The following GFI1B variants were observed in gnomAD, a reference collection of about 807,000 sequenced individuals.
GFI1B encodes the protein growth factor independent 1B transcriptional repressor.
In GFI1B, 20 loss-of-function variants were observed where a neutral mutation model predicts 35.3. The observed-to-expected ratio is 0.57, with a 90% CI of 0.40 to 0.82. GFI1B has a LOEUF of 0.82. Ranked by LOEUF, GFI1B falls within the 40% of genes least tolerant of loss-of-function variation. The pLI, the probability that GFI1B is intolerant of heterozygous loss-of-function variation, is 0.00. For missense variants in GFI1B, 430 were observed against 446.3 expected, an observed-to-expected ratio of 0.96 and a Z score of 0.33; for synonymous variants, 178 against 177.6, an observed-to-expected ratio of 1.00 and a Z score of -0.02.
At chr9:132,967,420 G>GA (rs936572629) in intron 1 of GFI1B, among the ~76,000 whole-genome samples, 2 of 152,026 alleles carry the variant, frequency 1.3e-5, no homozygotes, top group Admixed American at 1.3e-4. Context: ...CTTTTAGGGG[G>GA]AAAAAATCAT....
intron 1 of GFI1B, among the ~76,000 whole-genome samples, chr9:132,983,912 G>A (rs576020307): frequency 6.6e-6 from 1 of 152,270 alleles, no homozygotes. Context: ...TCTGCCCCAG[G>A]GTCCTGAGCC....
Position 132,986,698 on chromosome 9 carries a change from T to A in GFI1B, c.20T>A (p.Val7Glu). The change falls in exon 2 of 7, where the codon GTG (valine) becomes GAG (glutamate). Residue 7 changes from valine to glutamate, a missense_variant. Physicochemically the swap from Val to Glu is moderately radical, Grantham distance 121. Transcript: ENST00000372122. MPRSFL[V>E]KSKKAHTYHQ... Reference sequence around the variant, plus strand: ...CTGAAAATGCCACGCTCCTTCCTGGTGAAGAGCAAGAAGGCTCACACCTAC... The same window carrying A: ...CTGAAAATGCCACGCTCCTTCCTGGAGAAGAGCAAGAAGGCTCACACCTAC... 1 of 1,611,622 alleles carries A rather than the reference T, an allele frequency of 6.2e-7. No individual in the cohort carries two copies. Among genetic ancestry groups the A allele is most frequent in the Non-Finnish European group, 8.5e-7 (1 of 1,178,692 alleles).
In GFI1B at chr9:132,989,953, A is replaced by C; in HGVS notation, c.814+46A>C. ...TGTGCCCCCTGGGCAGAGCACCCCC[A>C]CCTTTCCCTGAGAGATGCATCAGAG... is the stretch of plus-strand genomic sequence containing the variant. On this transcript the variant is annotated intron_variant, in intron 6 of 6. Coordinates refer to ENST00000372122, the MANE Select transcript of GFI1B (RefSeq NM_001377304.1). The surrounding 1 kb of genome is among the most constrained non-coding windows in gnomAD (Gnocchi z 6.2). 36 of 1,538,236 alleles carry C rather than the reference A, an allele frequency of 2.3e-5. No individual in the cohort carries two copies. The highest frequency in any genetic ancestry group is 4.1e-5 in the African/African-American group (3 of 73,468).
rs145418687 is a variant in GFI1B, at chr9:132,989,153, C to A, written c.603C>A (p.Phe201Leu). 1.1e-5 allele frequency: 18 copies of A among 1,613,892 alleles called. No individual in the cohort carries two copies. The highest frequency in any genetic ancestry group is 1.5e-5 in the Non-Finnish European group (18 of 1,179,870). The change falls in exon 5 of 7, where the codon TTC becomes TTA. Residue 201 changes from phenylalanine (F) to leucine (L), a missense_variant. Coordinates refer to ENST00000372122, the MANE Select transcript of GFI1B (RefSeq NM_001377304.1). The surrounding 1 kb of genome is among the most constrained non-coding windows in gnomAD (Gnocchi z 6.2). The stretch of plus-strand genomic sequence containing the variant: ...CCTGTGACATCTGCGGCAAAACCTT[C>A]GGCCACGCTGTGAGCCTGGAGCAGC... ...PFACDICGKT[F>L]GHAVSLEQHT...
intron 1 of GFI1B, among the ~76,000 whole-genome samples, chr9:132,984,089 G>T (rs993292960): frequency 6.6e-6 from 1 of 152,238 alleles, no homozygotes; most frequent in South Asian, 2.1e-4. Flanking sequence ...AGTACCTTTG[G>T]TTCTAGTTGA....
intron 1 of GFI1B, among the ~76,000 whole-genome samples, chr9:132,979,397 G>A (rs907970859): frequency 2.6e-5 from 4 of 151,948 alleles, no homozygotes; most frequent in East Asian, 1.9e-4. Flanking sequence ...GTGTTACCAC[G>A]CCTGGCTAAT....
rs201307926 is a variant in GFI1B at position 132,988,191 on chromosome 9, C to T, written c.239-6C>T. Reference sequence around the variant, plus strand: ...AGTAACCAGGCCTGTGTCGTTATCTCCACAGAGGGCCCCATTGTGCTGTCC... The same window carrying T: ...AGTAACCAGGCCTGTGTCGTTATCTTCACAGAGGGCCCCATTGTGCTGTCC... On this transcript the variant is annotated splice_region_variant and splice_polypyrimidine_tract_variant and intron_variant, in intron 3 of 6. Coordinates refer to ENST00000372122, the MANE Select transcript of GFI1B (RefSeq NM_001377304.1). The T allele has an allele frequency of 1.1e-5, 17 of 1,613,046 alleles. No individual in the cohort carries two copies. In the Middle Eastern group the frequency reaches 8.2e-4, roughly 78 times the overall value.
chr9:132,971,327 C>T (rs1848529422), intron 1 of GFI1B, among the ~76,000 whole-genome samples: 1 of 152,178 alleles, frequency 6.6e-6, no homozygotes, highest in Non-Finnish European at 1.5e-5. Context: ...ACCCAAGTTC[C>T]CTGTGTCCCC....
In GFI1B at chr9:132,969,847, A is replaced by G. The variant is rs140631186; in HGVS notation, c.-700-2878A>G. ...AAAGGAACCTCTTTTCATCACCCTG[A>G]CTCTCATGGGTTTTGCTAAAAAGCA... On this transcript the variant is annotated intron_variant, in intron 1 of 10. Transcript: ENST00000339463. Among the ~76,000 whole-genome samples, 423 of 151,960 alleles carry G rather than the reference A, an allele frequency of 2.8e-3. 3 individuals carry two copies. Among genetic ancestry groups the G allele is most frequent in the Middle Eastern group, 6.9e-3 (2 of 290 alleles).
At chr9:132,965,866 C>T (rs1257428908) in intron 1 of GFI1B, among the ~76,000 whole-genome samples, 1 of 152,188 alleles carries the variant, frequency 6.6e-6, no homozygotes, top group Non-Finnish European at 1.5e-5. Flanking sequence ...ATAGTGTCCA[C>T]AGGAGCCATA....
Position 132,988,350 on chromosome 9 carries a change from T to C in GFI1B, c.392T>C (p.Leu131Pro), listed in dbSNP as rs770534417. ...QAPSTMQSAF[L>P]EHSVSLYGSP... ...CCCTCCACCATGCAGTCAGCCTTCC[T>C]GGAGCACTCCGTCAGCCTGTACGGC... Residue 131 changes from leucine (L) to proline (P), a missense_variant, in exon 4 of 7, where the codon CTG (leucine) becomes CCG (proline). Leu to Pro is a moderately conservative substitution (Grantham distance 98). Transcript: ENST00000372122. 6.2e-7 allele frequency: 1 copy of C among 1,614,170 alleles called. No individual in the cohort carries two copies. The highest frequency in any genetic ancestry group is 8.5e-7 in the Non-Finnish European group (1 of 1,180,010).
At chr9:132,990,792 G>A (rs909617437) in intron 6 of GFI1B, 80 bp from the exon 7 acceptor site, 31 of 1,308,736 alleles carry the variant, frequency 2.4e-5, no homozygotes, top group South Asian at 1.4e-4. Context: ...AAATGAACCC[G>A]GGGGCAGGGC....
chr9:132,966,422 C>A (rs1274296914), intron 1 of GFI1B, among the ~76,000 whole-genome samples: 1 of 152,040 alleles, frequency 6.6e-6, no homozygotes, highest in Non-Finnish European at 1.5e-5. Flanking sequence ...CCAGTTACAT[C>A]ACCTTGCTAT....
chr9:132,963,081 CAAA>C (rs763899545), intron 1 of GFI1B, among the ~76,000 whole-genome samples: 89 of 47,950 alleles, frequency 1.9e-3, no homozygotes, highest in African/African-American at 6.4e-3. Flanking sequence ...GACTCCATCT[CAAA>C]AAAAAAAAAA....
At chr9:132,966,875 C>A (rs1178452670) in intron 1 of GFI1B, among the ~76,000 whole-genome samples, 1 of 152,216 alleles carries the variant, frequency 6.6e-6, no homozygotes, top group African/African-American at 2.4e-5. Context: ...TAGGACCTGA[C>A]TTCCAGGACA....
At chr9:132,960,281 G>A (rs1848343369) in intron 1 of GFI1B, among the ~76,000 whole-genome samples, 1 of 152,350 alleles carries the variant, frequency 6.6e-6, no homozygotes, top group South Asian at 2.1e-4. Context: ...AGGGAAGCAA[G>A]ACCACAGAAG....
At chr9:132,987,573 C>G (rs753924622) in intron 3 of GFI1B, among the ~76,000 whole-genome samples, 154 bp downstream of exon 3, 1 of 152,146 alleles carries the variant, frequency 6.6e-6, no homozygotes, top group African/African-American at 2.4e-5. Context: ...CTGCTTGGGC[C>G]TCTCAGACAG....
intron 1 of GFI1B, among the ~76,000 whole-genome samples, chr9:132,985,610 C>T (rs1046968893): frequency 6.6e-6 from 1 of 152,118 alleles, no homozygotes; most frequent in Non-Finnish European, 1.5e-5. Context: ...CTGTGGCTTG[C>T]GGCTTGCAGG....
At position 132,987,426 on chromosome 9, in the gene GFI1B, C is replaced by T. The variant is rs11793702; in HGVS notation, c.238+7C>T. On this transcript the variant is annotated splice_region_variant and intron_variant, in intron 3 of 6. Transcript: ENST00000372122. Reference sequence around the variant, plus strand: ...AGGATGGCCCCGGCACCAGGTACCCCGCTGTGACCCACTGTCATTCCCCAG... The same window carrying T: ...AGGATGGCCCCGGCACCAGGTACCCTGCTGTGACCCACTGTCATTCCCCAG... The T allele has an allele frequency of 6.9e-3, 11,159 of 1,614,164 alleles. 51 individuals are homozygous for T. Among genetic ancestry groups the T allele is most frequent in the Non-Finnish European group, 8.4e-3 (9,885 of 1,179,976 alleles).
Sources: gnomAD v4.1 joint callset for allele counts (sites outside exome capture counted in the v4.1 genomes callset) on GRCh38, gnomAD v4.1.1 for gene constraint, Gnocchi (gnomAD v3.1) non-coding constraint, MANE v1.5 for transcripts, NCBI Gene and HGNC (gene_info 2026-07-23, HGNC 2026-07-21) for gene names.